PCNX3: variants seen among roughly 807,000 people sequenced by gnomAD.
PCNX3 encodes the protein pecanex 3.
A neutral mutation model predicts 207.2 loss-of-function variants in PCNX3; 58 were observed. The observed-to-expected ratio is 0.28, with a 90% confidence interval of 0.23 to 0.35. PCNX3 has a LOEUF of 0.35. PCNX3 is among the 10% of genes least tolerant of loss of function. The probability of loss-of-function intolerance (pLI) is 1.00; values close to 1 mark genes in which losing one functional copy is unlikely to be tolerated. For synonymous variants in PCNX3, 1,337 were observed against 1,183.5 expected (o/e 1.13, Z -2.66); for missense variants, 2,410 against 2,774.4 (o/e 0.87, Z 2.95).
chr11:65,629,277 T>G, intron 24 of PCNX3, 80 bp from the exon 25 acceptor site: 1 of 1,438,626 alleles, frequency 7.0e-7, no homozygotes, highest in Admixed American at 1.9e-5. Flanking sequence ...GTTGACCTTG[T>G]GGCACAGGGA....
In PCNX3 at chr11:65,636,494, C is replaced by G; in HGVS notation, c.5697C>G (p.Pro1899=). ...CCCCACCTCTGCTGCAGTGGCCTCC[C>G]CCTCGGCTCCCTGGACCACCCCCTG... ...GRPPPLLQWP[P]PRLPGPPPAS... Residue 1899 remains proline (P), a synonymous_variant, in exon 34 of 35, where the codon CCC becomes CCG. Coordinates refer to ENST00000355703, the MANE Select transcript of PCNX3 (RefSeq NM_032223.4). 3 of 1,576,396 alleles carry G rather than the reference C, an allele frequency of 1.9e-6. No homozygotes were observed. Among genetic ancestry groups the G allele is most frequent in the Non-Finnish European group, 2.6e-6 (3 of 1,162,934 alleles).
intron 22 of PCNX3, among the ~76,000 whole-genome samples, chr11:65,628,331 G>A (rs902302771): frequency 1.3e-5 from 2 of 152,188 alleles, no homozygotes; most frequent in African/African-American, 4.8e-5. Context: ...TCTGTGAAAA[G>A]GGGCCAGCAA....
chr11:65,637,274 T>A lies in PCNX3; in HGVS notation c.*296T>A. The A allele has an allele frequency of 2.3e-6, 1 of 439,942 alleles. No individual in the cohort carries two copies. The highest frequency in any genetic ancestry group is 4.1e-6 in the Non-Finnish European group (1 of 241,206). 27.3% of individuals were successfully genotyped at this position (439,942 alleles called of 1,614,324 possible). A position where few individuals can be genotyped will look rare whatever the true frequency, so the allele number is the denominator to read the frequency against. The stretch of plus-strand genomic sequence containing the variant: ...CTTGGAGCCTGTGGCCAGGACCACC[T>A]CAGCCCCTGGGCCTGCACTGCCTGC... On this transcript the variant is annotated 3_prime_UTR_variant, in exon 35 of 35. Transcript: ENST00000355703.
At chr11:65,620,498 C>G in intron 9 of PCNX3, 69 bp downstream of exon 9, 1 of 1,518,842 alleles carries the variant, frequency 6.6e-7, no homozygotes, top group Non-Finnish European at 9.0e-7. Context: ...GTTCCCTGAG[C>G]CTGGAGTTTG....
intron 24 of PCNX3, 104 bp from the exon 25 acceptor site, chr11:65,629,253 C>A: frequency 8.2e-7 from 1 of 1,226,690 alleles, no homozygotes; most frequent in Non-Finnish European, 1.2e-6. Flanking sequence ...CATAACGGGG[C>A]TGTCCTGGAT....
At chr11:65,619,985 G>T in intron 8 of PCNX3, 53 bp downstream of exon 8, 1 of 1,525,742 alleles carries the variant, frequency 6.6e-7, no homozygotes, top group Non-Finnish European at 8.9e-7. Flanking sequence ...TCCCCCAACA[G>T]CCTGAGTCCT....
In PCNX3 at chr11:65,622,284, CATA is replaced by C. The variant is rs1855148828; in HGVS notation, c.2276_2278del (p.His759_Ser760delinsArg). 1 of 1,601,528 alleles carries C rather than the reference CATA, an allele frequency of 6.2e-7. No homozygotes were observed. The highest frequency in any genetic ancestry group is 1.7e-5 in the Admixed American group (1 of 58,634). Reference sequence around the variant, plus strand: ...GGAAGAAGCGCCACCCCGGGCCCAGCATAGTTACAAGTACTGGCTTCTCCCTGG... The same window carrying C: ...GGAAGAAGCGCCACCCCGGGCCCAGCGTTACAAGTACTGGCTTCTCCCTGG... On this transcript the variant is annotated inframe_deletion, in exon 11 of 35. Transcript: ENST00000355703.
At chr11:65,628,463 C>A in intron 22 of PCNX3, 132 bp from the exon 23 acceptor site, 1 of 782,602 alleles carries the variant, frequency 1.3e-6, no homozygotes, top group Non-Finnish European at 2.1e-6. Context: ...CAAGGGCTGG[C>A]AGTGACCTTG....
rs984414316 is a variant in PCNX3, at chr11:65,635,240, A to T, written c.4976A>T (p.Glu1659Val). 1 of 1,586,822 alleles carries T rather than the reference A, an allele frequency of 6.3e-7. No individual in the cohort carries two copies. Among genetic ancestry groups the T allele is most frequent in the Non-Finnish European group, 8.6e-7 (1 of 1,166,862 alleles). ...CAGGACCACTTCACGTCCCCAGATG[A>T]ATATGAGGAGCCAGCAGCCCTATAC... ...LHQDHFTSPD[E>V]YEEPAALYDA... Residue 1659 changes from glutamate (E) to valine (V), a missense_variant, in exon 31 of 35, where the codon GAA becomes GTA. Glu to Val is a moderately radical substitution (Grantham distance 121). Coordinates refer to ENST00000355703, the MANE Select transcript of PCNX3 (RefSeq NM_032223.4). The surrounding 1 kb of genome is among the most constrained non-coding windows in gnomAD (Gnocchi z 9.9).
At chr11:65,634,907 C>G (rs1855765394) in intron 29 of PCNX3, 66 bp from the exon 30 acceptor site, 1 of 1,557,172 alleles carries the variant, frequency 6.4e-7, no homozygotes, top group Non-Finnish European at 8.7e-7. Flanking sequence ...GCTTGGATCA[C>G]TCTGAAGCCT....
At chr11:65,630,629 C>A (rs375251831) in intron 27 of PCNX3, 25 bp downstream of exon 27, 106 of 1,597,128 alleles carry the variant, frequency 6.6e-5, no homozygotes, top group Middle Eastern at 3.8e-4. Context: ...TGTGGCCGGG[C>A]AGCAGGGCCC....
chr11:65,629,157 G>A (rs1855519795), intron 24 of PCNX3, among the ~76,000 whole-genome samples, 200 bp from the exon 25 acceptor site: 1 of 152,192 alleles, frequency 6.6e-6, no homozygotes, highest in Non-Finnish European at 1.5e-5. Context: ...TGGGGTCTGG[G>A]GATGAGCTTA....
rs371586303 is a variant in PCNX3, at chr11:65,627,008, G to A, written c.3484G>A (p.Ala1162Thr). ...GGTGCTCAACGCCCTCACGGTGGAC[G>A]CCCACACAGTCGTCAGCCACCCGGA... ...AVVLNALTVD[A>T]HTVVSHPDKY... The change falls in exon 21 of 35, where the codon GCC (alanine) becomes ACC (threonine). Residue 1162 changes from alanine to threonine, a missense_variant. By Grantham distance (58) the Ala-to-Thr change is moderately conservative. This residue lies in a region of PCNX3 where 333 missense variants were observed against 386.8 expected (regional missense o/e 0.86). Coordinates refer to ENST00000355703, the MANE Select transcript of PCNX3 (RefSeq NM_032223.4). The A allele has an allele frequency of 6.5e-6, 10 of 1,542,016 alleles. No homozygotes were observed. The highest frequency in any genetic ancestry group is 2.4e-5 in the East Asian group (1 of 40,904).
chr11:65,630,201 C>A, intron 26 of PCNX3, 150 bp from the exon 27 acceptor site: 1 of 1,199,580 alleles, frequency 8.3e-7, no homozygotes, highest in Non-Finnish European at 1.1e-6. Flanking sequence ...GGCGCTCTTT[C>A]GTGAATCTTG....
chr11:65,621,166 A>G (rs1290280188), intron 10 of PCNX3, among the ~76,000 whole-genome samples, 200 bp downstream of exon 10: 3 of 152,322 alleles, frequency 2.0e-5, no homozygotes, highest in Admixed American at 6.5e-5. Flanking sequence ...TGGAGAAGTC[A>G]TTTATTTGCT....
At chr11:65,623,815 G>C in intron 12 of PCNX3, 114 bp from the exon 13 acceptor site, 1 of 1,553,028 alleles carries the variant, frequency 6.4e-7, no homozygotes, top group Non-Finnish European at 8.8e-7. Context: ...GGACAGTTCG[G>C]GGGCCTGACC....
At chr11:65,622,947 G>A (rs931974853) in intron 11 of PCNX3, among the ~76,000 whole-genome samples, 4 of 151,246 alleles carry the variant, frequency 2.6e-5, no homozygotes, top group Non-Finnish European at 4.4e-5. Flanking sequence ...TTTGAAAATC[G>A]AGTGCTGTAA....
chr11:65,632,163 G>A (rs1034135005), intron 27 of PCNX3, among the ~76,000 whole-genome samples: 1 of 152,200 alleles, frequency 6.6e-6, no homozygotes, highest in African/African-American at 2.4e-5. Flanking sequence ...GTCCCATGGG[G>A]AAGCTGACTG....
chr11:65,635,655 T>A lies in PCNX3; in HGVS notation c.5311T>A (p.Ser1771Thr). 3 of 1,612,548 alleles carry A rather than the reference T, an allele frequency of 1.9e-6. No homozygotes were observed. Among genetic ancestry groups the A allele is most frequent in the South Asian group, 1.1e-5 (1 of 91,030 alleles). The change falls in exon 32 of 35, where the codon TCC (serine) becomes ACC (threonine). Residue 1771 changes from serine (S) to threonine (T), a missense_variant. By Grantham distance (58) the Ser-to-Thr change is moderately conservative. Around this residue, in one of 8 missense-constraint regions of PCNX3, gnomAD observed 21 missense variants for 79.2 expected, o/e 0.27. Transcript: ENST00000355703. This position sits in a 1 kb window ranked among gnomAD's most constrained non-coding sequence, Gnocchi z 9.9. ...GCAGGCGCTTCGCAACATGATCAAC[T>A]CCTCCTGTGACCAGCCGCTGGGCTA... ...AKQALRNMIN[S>T]SCDQPLGYPI...
Sources: gnomAD v4.1 joint callset for allele counts (sites outside exome capture counted in the v4.1 genomes callset) on GRCh38, gnomAD v4.1.1 for gene constraint, gnomAD v4.1.1 regional missense constraint, Gnocchi (gnomAD v3.1) non-coding constraint, MANE v1.5 for transcripts, NCBI Gene and HGNC (gene_info 2026-07-23, HGNC 2026-07-21) for gene names.